The following GPC5 variants were observed in gnomAD, a reference collection of about 807,000 sequenced individuals.
GPC5 encodes the protein glypican-5.
In GPC5, 47 loss-of-function variants were observed where a neutral mutation model predicts 53.9. The observed-to-expected ratio is 0.87, with a 90% confidence interval of 0.69 to 1.11. GPC5 has a LOEUF of 1.11. Among genes scored for constraint, GPC5 ranks in the 50% most tolerant of loss-of-function variants. GPC5 has a pLI of 0.00. For missense variants in GPC5, 748 were observed against 713.1 expected (o/e 1.05, Z -0.56); for synonymous variants, 286 against 263.3 (o/e 1.09, Z -0.84).
At chr13:91,579,938 G>A (rs1354807752) in intron 2 of GPC5, among the ~76,000 whole-genome samples, 1 of 151,972 alleles carries the variant, frequency 6.6e-6, no homozygotes, top group African/African-American at 2.4e-5. Flanking sequence ...AAGAGCCTCA[G>A]AATTAGAGCT....
chr13:91,714,049 T>G (rs2036283323), intron 3 of GPC5, among the ~76,000 whole-genome samples: 1 of 152,126 alleles, frequency 6.6e-6, no homozygotes, highest in Non-Finnish European at 1.5e-5. Context: ...GGTAACCTGA[T>G]TTTCTCAGGG....
intron 7 of GPC5, among the ~76,000 whole-genome samples, chr13:92,284,990 A>T (rs1352693261): frequency 1.3e-5 from 2 of 152,094 alleles, no homozygotes; most frequent in Non-Finnish European, 2.9e-5. Flanking sequence ...TATCTAGATA[A>T]CCCCATCGTC....
chr13:92,652,999 G>A (rs912907870), intron 7 of GPC5, among the ~76,000 whole-genome samples: 14 of 152,250 alleles, frequency 9.2e-5, no homozygotes, highest in African/African-American at 3.4e-4. Flanking sequence ...TGTAGTGTTT[G>A]TATGGGTGTG....
intron 6 of GPC5, among the ~76,000 whole-genome samples, chr13:92,018,733 T>G (rs1023002069): frequency 6.6e-6 from 1 of 152,116 alleles, no homozygotes; most frequent in African/African-American, 2.4e-5. Flanking sequence ...TTCTATGATA[T>G]GGGTTTTTAT....
chr13:92,239,522 C>T (rs921700904), intron 7 of GPC5, among the ~76,000 whole-genome samples: 4 of 151,906 alleles, frequency 2.6e-5, no homozygotes, highest in Non-Finnish European at 5.9e-5. Context: ...CACTACACAC[C>T]TTCTTTGCGT....
chr13:91,561,035 C>T (rs1489562164), intron 2 of GPC5, among the ~76,000 whole-genome samples: 3 of 152,098 alleles, frequency 2.0e-5, no homozygotes, highest in Non-Finnish European at 2.9e-5. Context: ...ATACCCAGTG[C>T]TTTTGGGGTT....
chr13:91,979,214 C>G (rs1246548127), intron 6 of GPC5, among the ~76,000 whole-genome samples: 3 of 151,464 alleles, frequency 2.0e-5, no homozygotes, highest in Non-Finnish European at 3.0e-5. Flanking sequence ...ATAAAAAGCC[C>G]ATAGTGATTT....
intron 7 of GPC5, among the ~76,000 whole-genome samples, chr13:92,397,002 C>T (rs1875311632): frequency 6.6e-6 from 1 of 152,204 alleles, no homozygotes; most frequent in African/African-American, 2.4e-5. Context: ...CCTCCATGTG[C>T]TAATGCCAAG....
intron 1 of GPC5, among the ~76,000 whole-genome samples, chr13:91,413,217 G>T (rs973233311): frequency 7.9e-5 from 12 of 152,204 alleles, no homozygotes; most frequent in Non-Finnish European, 1.8e-4. Flanking sequence ...GGAGGTGAAG[G>T]CTGCAGTGAA....
chr13:91,793,296 GA>G lies in GPC5; in HGVS notation c.1280+36881del, dbSNP rs201874499. Among the ~76,000 whole-genome samples, 130 of 152,188 alleles carry G rather than the reference GA, an allele frequency of 8.5e-4. 2 individuals carry two copies. In the East Asian group the frequency reaches 0.022, roughly 25 times the overall value. ...TTCACTATCACAAGAACAGCATGGG[GA>G]AAAACCGCCCCCATGATTCAGTTAC... On this transcript the variant is annotated intron_variant, in intron 5 of 7. Transcript: ENST00000377067.
chr13:92,214,622 A>C (rs933885844), intron 7 of GPC5, among the ~76,000 whole-genome samples: 14 of 152,288 alleles, frequency 9.2e-5, no homozygotes, highest in Admixed American at 1.3e-4. Flanking sequence ...GGAGGGAAAA[A>C]CTGGGAGACT....
chr13:92,209,036 C>G (rs2042356952), intron 7 of GPC5, among the ~76,000 whole-genome samples: 1 of 152,140 alleles, frequency 6.6e-6, no homozygotes, highest in Non-Finnish European at 1.5e-5. Flanking sequence ...ATGTTAGCAG[C>G]TACATTGAGA....
At chr13:92,229,961 T>A (rs1594017680) in intron 7 of GPC5, among the ~76,000 whole-genome samples, 1 of 152,132 alleles carries the variant, frequency 6.6e-6, no homozygotes, top group Non-Finnish European at 1.5e-5. Context: ...ATTATTAAAA[T>A]CTAATTATTA....
intron 7 of GPC5, among the ~76,000 whole-genome samples, chr13:92,502,482 G>A (rs1047895775): frequency 5.3e-5 from 8 of 151,726 alleles, no homozygotes; most frequent in South Asian, 4.2e-4. Context: ...CAAAAAATTC[G>A]CTTCAGATAT....
At chr13:92,140,959 A>T (rs538074191) in intron 6 of GPC5, among the ~76,000 whole-genome samples, 2 of 152,350 alleles carry the variant, frequency 1.3e-5, no homozygotes, top group South Asian at 4.1e-4. Context: ...ATGAATTCCA[A>T]GAAAGAGACT....
intron 5 of GPC5, among the ~76,000 whole-genome samples, chr13:91,819,069 T>A (rs1241693759): frequency 6.6e-6 from 1 of 151,244 alleles, no homozygotes; most frequent in Non-Finnish European, 1.5e-5. Flanking sequence ...ATTGCCAGAC[T>A]GCAAACTCCT....
At chr13:92,126,606 TTA>T (rs1174634545) in intron 6 of GPC5, among the ~76,000 whole-genome samples, 1 of 152,128 alleles carries the variant, frequency 6.6e-6, no homozygotes, top group Non-Finnish European at 1.5e-5. Flanking sequence ...TGCTCATTCA[TTA>T]TGTAATGTCT....
intron 7 of GPC5, among the ~76,000 whole-genome samples, chr13:92,337,839 C>T (rs772057426): frequency 1.9e-4 from 29 of 152,158 alleles, no homozygotes; most frequent in African/African-American, 3.6e-4. Context: ...AAATGTAAAA[C>T]GCAAAATTAT....
chr13:92,078,650 AT>A (rs923263215), intron 6 of GPC5, among the ~76,000 whole-genome samples: 3 of 151,934 alleles, frequency 2.0e-5, no homozygotes, highest in Non-Finnish European at 4.4e-5. Flanking sequence ...TCTCTTTTAT[AT>A]TTTTATTCCT....
Sources: gnomAD v4.1 joint callset for allele counts (sites outside exome capture counted in the v4.1 genomes callset) on GRCh38, gnomAD v4.1.1 for gene constraint, MANE v1.5 for transcripts, NCBI Gene and HGNC (gene_info 2026-07-23, HGNC 2026-07-21) for gene names.